Variants in SLC8B1 observed in about 807,000 individuals in gnomAD.
SLC8B1 encodes the protein solute carrier family 8 member B1, also known as mitochondrial sodium/calcium exchanger protein.
SLC8B1 carries 52 observed loss-of-function variants against 63.4 expected under a neutral mutation model. The ratio of observed to expected loss-of-function variants is 0.82; its 90% confidence interval spans 0.66 to 1.03. The LOEUF is 1.03. SLC8B1 is among the 50% of genes least tolerant of loss of function. The pLI, the probability that SLC8B1 is intolerant of heterozygous loss-of-function variation, is 0.00. For missense variants in SLC8B1, 657 were observed against 741.7 expected (o/e 0.89, Z 1.33); for synonymous variants, 336 against 323.9 (o/e 1.04, Z -0.40).
rs571272801 is a variant in SLC8B1, at chr12:113,334,896, C to G, written c.-536G>C. On this transcript the variant is annotated 5_prime_UTR_variant, in exon 1 of 16. It removes an upstream start codon present in the reference 5' UTR. Coordinates refer to ENST00000680972, the MANE Select transcript of SLC8B1 (RefSeq NM_001358345.2). ...CTTCCCAGGAAAGAGACCTCAGGAACATCTCCGTGCTCCGTTTCCCGTCCG... is the reference window on the plus strand; with the variant it reads ...CTTCCCAGGAAAGAGACCTCAGGAAGATCTCCGTGCTCCGTTTCCCGTCCG... The G allele has an allele frequency of 3.9e-5, 6 of 152,266 alleles. No individual in the cohort carries two copies. The highest frequency in any genetic ancestry group is 2.0e-4 in the Admixed American group (3 of 15,288). The allele number at this position is 152,266 out of a possible 1,614,324, so 9.4% of individuals were successfully genotyped here.
At chr12:113,323,846 C>T (rs1446926720) in intron 2 of SLC8B1, among the ~76,000 whole-genome samples, 1 of 152,220 alleles carries the variant, frequency 6.6e-6, no homozygotes, top group African/African-American at 2.4e-5. Flanking sequence ...TAACACCAGA[C>T]TGGAAGTGAG....
intron 2 of SLC8B1, among the ~76,000 whole-genome samples, chr12:113,326,294 T>C (rs1956996694): frequency 6.6e-6 from 1 of 152,240 alleles, no homozygotes; most frequent in Admixed American, 6.5e-5. Flanking sequence ...GTAGAAACCA[T>C]GTAGCCCACA....
chr12:113,303,071 T>TACACACACAC (rs368824979), intron 15 of SLC8B1, among the ~76,000 whole-genome samples: 7 of 130,120 alleles, frequency 5.4e-5, no homozygotes, highest in Admixed American at 1.5e-4. Context: ...CACACACACG[T>TACACACACAC]ACACACACAC....
intron 8 of SLC8B1, 32 bp from the exon 9 acceptor site, chr12:113,317,033 C>T: frequency 1.9e-6 from 3 of 1,603,062 alleles, no homozygotes; most frequent in Non-Finnish European, 2.6e-6. Flanking sequence ...ACATACAGAA[C>T]CCAGACCATT....
intron 7 of SLC8B1, 170 bp from the exon 8 acceptor site, chr12:113,319,241 C>T (rs1271518269): frequency 5.1e-6 from 3 of 587,528 alleles, no homozygotes; most frequent in Non-Finnish European, 9.4e-6. Context: ...CTTCCTCCTG[C>T]CTTCCAGGAC....
At chr12:113,315,159 G>A (rs1212573608) in intron 11 of SLC8B1, among the ~76,000 whole-genome samples, 176 bp downstream of exon 11, 3 of 152,212 alleles carry the variant, frequency 2.0e-5, no homozygotes, top group Non-Finnish European at 4.4e-5. Context: ...GGTAGTGCAC[G>A]CCTGTAATCC....
At chr12:113,333,480 C>A (rs1330165520) in intron 1 of SLC8B1, among the ~76,000 whole-genome samples, 2 of 152,232 alleles carry the variant, frequency 1.3e-5, no homozygotes, top group Non-Finnish European at 2.9e-5. Flanking sequence ...AGGAGCCAAG[C>A]TTTACATGGA....
Position 113,316,962 on chromosome 12 carries a change from T to C in SLC8B1, c.842A>G (p.Asn281Ser), listed in dbSNP as rs745693925. 3.7e-6 allele frequency: 6 copies of C among 1,613,652 alleles called. No homozygotes were observed. The highest frequency in any genetic ancestry group is 5.1e-6 in the Non-Finnish European group (6 of 1,179,904). Reference protein sequence around the residue: ...SDSEEDRVSSNTNSYDYGDEY... With the variant: ...SDSEEDRVSSSTNSYDYGDEY... ...CTCACCGTAGTCATAGCTGTTGGTA[T>C]TAGAAGATACCCGGTCCTCCTCGGA... Residue 281 changes from asparagine to serine, a missense_variant, in exon 9 of 16, where the codon AAT (asparagine) becomes AGT (serine). Coordinates refer to ENST00000680972, the MANE Select transcript of SLC8B1 (RefSeq NM_001358345.2).
rs1377561133 is a variant in SLC8B1 at position 113,305,707 on chromosome 12, A to C, written c.1492+788T>G. ...ATGCACTGTCTGTGCCTGTTTCTGC[A>C]CTATAGCAGCAGAGTTGAGTAGCTG... On this transcript the variant is annotated intron_variant, in intron 14 of 15. Transcript: ENST00000680972. This position sits in a 1 kb window ranked among gnomAD's most constrained non-coding sequence, Gnocchi z 4.3. Among the ~76,000 whole-genome samples the C allele has an allele frequency of 1.3e-5, 2 of 152,236 alleles. No homozygotes were observed. The highest frequency in any genetic ancestry group is 3.8e-4 in the East Asian group (2 of 5,202).
At chr12:113,321,484 G>A in intron 2 of SLC8B1, 136 bp from the exon 3 acceptor site, 3 of 1,012,020 alleles carry the variant, frequency 3.0e-6, no homozygotes, top group Admixed American at 4.8e-5. Context: ...TGCCAACTAT[G>A]GATGCACTTT....
intron 2 of SLC8B1, among the ~76,000 whole-genome samples, chr12:113,322,520 C>CA: frequency 6.6e-6 from 1 of 152,244 alleles, no homozygotes; most frequent in South Asian, 2.1e-4. Flanking sequence ...AAAATGTTGT[C>CA]AGAGAAGATT....
Position 113,299,498 on chromosome 12 carries a change from G to C in SLC8B1, c.*279C>G. ...CTCCAGCCCTTCTCAGAGGGGCTCTGGGGGTCATTCAAGGGGGACTTCTAG... is the reference window on the plus strand; with the variant it reads ...CTCCAGCCCTTCTCAGAGGGGCTCTCGGGGTCATTCAAGGGGGACTTCTAG... On this transcript the variant is annotated 3_prime_UTR_variant, in exon 16 of 16. Coordinates refer to ENST00000680972, the MANE Select transcript of SLC8B1 (RefSeq NM_001358345.2). 2.4e-6 allele frequency: 1 copy of C among 419,734 alleles called. No individual in the cohort carries two copies. Among genetic ancestry groups the C allele is most frequent in the Non-Finnish European group, 4.5e-6 (1 of 223,658 alleles). 26.0% of individuals were successfully genotyped at this position (419,734 alleles called of 1,614,324 possible). A position where few individuals can be genotyped will look rare whatever the true frequency, so the allele number is the denominator to read the frequency against.
In SLC8B1 at chr12:113,304,385, T is replaced by G. The variant is rs757675280; in HGVS notation, c.1493A>C (p.Asn498Thr). The change falls in exon 15 of 16, where the codon AAC (asparagine) becomes ACC (threonine). Residue 498 changes from asparagine (N) to threonine (T), a missense_variant and splice_region_variant. Physicochemically the swap from Asn to Thr is moderately conservative, Grantham distance 65. Coordinates refer to ENST00000680972, the MANE Select transcript of SLC8B1 (RefSeq NM_001358345.2). ...FSACFGGIIF[N>T]ILVGVGLGCL... is the part of the protein sequence containing the mutation. ...GCCCAGCCCCACACCCACGAGGATGTCTGCAGCCCAGCTCAGGAAGCTTTG... is the reference window on the plus strand; with the variant it reads ...GCCCAGCCCCACACCCACGAGGATGGCTGCAGCCCAGCTCAGGAAGCTTTG... The G allele has an allele frequency of 2.5e-5, 40 of 1,613,858 alleles. No homozygotes were observed. Among genetic ancestry groups the G allele is most frequent in the Non-Finnish European group, 3.4e-5 (40 of 1,179,892 alleles).
chr12:113,309,166 A>T (rs927178723), intron 12 of SLC8B1, among the ~76,000 whole-genome samples: 8 of 151,056 alleles, frequency 5.3e-5, no homozygotes, highest in Non-Finnish European at 1.2e-4. Context: ...AAATGAAAAT[A>T]TTAAGTAAAC....
Position 113,299,716 on chromosome 12 carries a change from C to G in SLC8B1, c.*61G>C. The G allele has an allele frequency of 6.4e-7, 1 of 1,554,346 alleles. No homozygotes were observed. Among genetic ancestry groups the G allele is most frequent in the Middle Eastern group, 1.8e-4 (1 of 5,548 alleles). On this transcript the variant is annotated 3_prime_UTR_variant, in exon 16 of 16. Coordinates refer to ENST00000680972, the MANE Select transcript of SLC8B1 (RefSeq NM_001358345.2). ...CAGAAATGCTCCGGTCCCTGGGCCT[C>G]CCCCGGCAGGAGGGGCGGGGCTCCT... is the stretch of plus-strand genomic sequence containing the variant.
intron 9 of SLC8B1, 67 bp from the exon 10 acceptor site, chr12:113,316,723 C>A (rs1956841449): frequency 1.3e-6 from 2 of 1,589,212 alleles, no homozygotes; most frequent in South Asian, 1.1e-5. Flanking sequence ...ACCTTCCCCG[C>A]TCCATCCCAC....
intron 13 of SLC8B1, 87 bp downstream of exon 13, chr12:113,307,604 T>C: frequency 6.6e-7 from 1 of 1,505,312 alleles, no homozygotes; most frequent in South Asian, 1.3e-5. Flanking sequence ...TGGACACTCC[T>C]GCCCAGATGC....
At chr12:113,329,318 T>TC (rs1957031360) in intron 2 of SLC8B1, among the ~76,000 whole-genome samples, 3 of 152,130 alleles carry the variant, frequency 2.0e-5, no homozygotes, top group Admixed American at 6.5e-5. Flanking sequence ...TGAAAGTTAC[T>TC]CGCTGAAGCT....
chr12:113,308,421 G>T (rs541814938), intron 12 of SLC8B1: 1 of 152,568 alleles, frequency 6.6e-6, no homozygotes, highest in Admixed American at 6.5e-5. Flanking sequence ...GTCTGGAAAG[G>T]GTTCCTTATC....
Sources: gnomAD v4.1 joint callset for allele counts (sites outside exome capture counted in the v4.1 genomes callset) on GRCh38, gnomAD v4.1.1 for gene constraint, Gnocchi (gnomAD v3.1) non-coding constraint, MANE v1.5 for transcripts, NCBI Gene and HGNC (gene_info 2026-07-23, HGNC 2026-07-21) for gene names.